Variants in BMPR1A observed in about 807,000 individuals in gnomAD.
The protein encoded by BMPR1A is bone morphogenetic protein receptor type-1A.
A neutral mutation model predicts 66.0 loss-of-function variants in BMPR1A; 7 were observed. The observed-to-expected ratio is 0.11, with a 90% CI of 0.06 to 0.20. The LOEUF (loss-of-function observed/expected upper bound fraction) is 0.20, where lower values mean the gene tolerates loss of function less well. BMPR1A is among the 10% of genes least tolerant of loss of function. The pLI is 1.00. For missense variants in BMPR1A, 408 were observed against 669.1 expected (o/e 0.61, Z 4.31); for synonymous variants, 200 against 229.7 (o/e 0.87, Z 1.17).
At chr10:86,880,755 A>G (rs369752534) in intron 3 of BMPR1A, among the ~76,000 whole-genome samples, 1 of 152,362 alleles carries the variant, frequency 6.6e-6, no homozygotes, top group East Asian at 1.9e-4. Context: ...CAAGTTCGGC[A>G]GGGAAAGAGC....
chr10:86,894,051 C>T (rs1329474420), intron 5 of BMPR1A, among the ~76,000 whole-genome samples: 1 of 152,210 alleles, frequency 6.6e-6, no homozygotes, highest in African/African-American at 2.4e-5. Flanking sequence ...CTTATATGAT[C>T]AGCTTTAGAG....
intron 1 of BMPR1A, among the ~76,000 whole-genome samples, chr10:86,816,375 T>C (rs1350847994): frequency 2.6e-5 from 4 of 152,224 alleles, no homozygotes; most frequent in African/African-American, 9.6e-5. Context: ...TTTAAAATTA[T>C]ACACGTGGTC....
chr10:86,876,331 T>TA (rs1842921489), intron 3 of BMPR1A, among the ~76,000 whole-genome samples: 1 of 152,198 alleles, frequency 6.6e-6, no homozygotes, highest in Non-Finnish European at 1.5e-5. Flanking sequence ...GGCGTAATGA[T>TA]ACACAGCATT....
intron 7 of BMPR1A, among the ~76,000 whole-genome samples, chr10:86,909,466 C>T (rs1348617030): frequency 1.3e-5 from 2 of 151,796 alleles, no homozygotes; most frequent in African/African-American, 4.8e-5. Flanking sequence ...GTGGTGTGTG[C>T]CTGCAGTCCC....
At position 86,927,260 on chromosome 10, in the gene BMPR1A, C is replaced by T. The variant is rs1336738696; in HGVS notation, c.*3541C>T. 1 of 191,356 alleles carries T rather than the reference C, an allele frequency of 5.2e-6. No homozygotes were observed. Among genetic ancestry groups the T allele is most frequent in the Non-Finnish European group, 1.1e-5 (1 of 91,420 alleles). The allele number at this position is 191,356 out of a possible 1,614,324, so 11.9% of individuals were successfully genotyped here. On this transcript the variant is annotated 3_prime_UTR_variant, in exon 13 of 13. Coordinates refer to ENST00000372037, the MANE Select transcript of BMPR1A (RefSeq NM_004329.3). Reference sequence around the variant, plus strand: ...TGATATTGAATAATTTATTCCAGGGCAGCTTTCATAAACATACTTCATAGA... The same window carrying T: ...TGATATTGAATAATTTATTCCAGGGTAGCTTTCATAAACATACTTCATAGA...
rs116599536 is a variant in BMPR1A, at chr10:86,774,800, A to G, written c.-268+17881A>G. ...GATTATATTAGTGTCATTTACACTA[A>G]ATAAATCTAAGGAGGAAAACAATAC... On this transcript the variant is annotated intron_variant, in intron 1 of 12. Coordinates refer to ENST00000372037, the MANE Select transcript of BMPR1A (RefSeq NM_004329.3). Among the ~76,000 whole-genome samples the G allele has an allele frequency of 9.1e-3, 1,387 of 152,366 alleles. 19 individuals carry two copies. Among genetic ancestry groups the G allele is most frequent in the African/African-American group, 0.032 (1,322 of 41,576 alleles).
Position 86,923,519 on chromosome 10 carries a change from C to T in BMPR1A, c.1473+13C>T, listed in dbSNP as rs1453637850. ...GAACAGTGATGAAGTGAGTGGAACT[C>T]AGTCCCCTGAAGAAGTGATTCGTAA... On this transcript the variant is annotated intron_variant, in intron 12 of 12. Coordinates refer to ENST00000372037, the MANE Select transcript of BMPR1A (RefSeq NM_004329.3). 1 of 1,614,222 alleles carries T rather than the reference C, an allele frequency of 6.2e-7. No individual in the cohort carries two copies. Among genetic ancestry groups the T allele is most frequent in the African/African-American group, 1.3e-5 (1 of 75,058 alleles).
chr10:86,883,255 G>A (rs533739583), intron 3 of BMPR1A, among the ~76,000 whole-genome samples: 1 of 152,088 alleles, frequency 6.6e-6, no homozygotes, highest in Non-Finnish European at 1.5e-5. Flanking sequence ...TTGGGAGGCT[G>A]AGGCAGGCAG....
intron 1 of BMPR1A, among the ~76,000 whole-genome samples, chr10:86,815,603 A>G (rs1842026656): frequency 6.6e-6 from 1 of 152,208 alleles, no homozygotes; most frequent in Non-Finnish European, 1.5e-5. Flanking sequence ...GGAGATTTGC[A>G]GGCACTGGTT....
chr10:86,766,313 G>T (rs912662591), intron 1 of BMPR1A, among the ~76,000 whole-genome samples: 9 of 152,080 alleles, frequency 5.9e-5, no homozygotes, highest in African/African-American at 2.2e-4. Context: ...ATTCTTTATA[G>T]TAGTTAAGCA....
chr10:86,777,145 T>A (rs1226385825), intron 1 of BMPR1A, among the ~76,000 whole-genome samples: 1 of 152,190 alleles, frequency 6.6e-6, no homozygotes, highest in East Asian at 1.9e-4. Context: ...GATTGTTCAG[T>A]TGCAAATATT....
intron 3 of BMPR1A, among the ~76,000 whole-genome samples, chr10:86,878,362 A>G (rs1381315601): frequency 2.6e-5 from 4 of 152,236 alleles, no homozygotes; most frequent in Non-Finnish European, 5.9e-5. Context: ...GTCATCTGAT[A>G]TTAACAGCTG....
At chr10:86,839,303 G>A (rs926162064) in intron 2 of BMPR1A, among the ~76,000 whole-genome samples, 6 of 152,168 alleles carry the variant, frequency 3.9e-5, no homozygotes, top group Admixed American at 2.0e-4. Context: ...GCAAAGCAGA[G>A]TTCAGCATGC....
chr10:86,775,217 G>A lies in BMPR1A; in HGVS notation c.-268+18298G>A, dbSNP rs762811985. Among the ~76,000 whole-genome samples the A allele has an allele frequency of 9.2e-5, 14 of 152,202 alleles. 1 individual carries two copies. Among genetic ancestry groups the A allele is most frequent in the Admixed American group, 6.5e-5 (1 of 15,276 alleles). ...TGAGTTCAGTAAGTTGGCTCTACACGTGGTAAACGAGGAAATCCATACATA... is the reference window on the plus strand; with the variant it reads ...TGAGTTCAGTAAGTTGGCTCTACACATGGTAAACGAGGAAATCCATACATA... On this transcript the variant is annotated intron_variant, in intron 1 of 12. Coordinates refer to ENST00000372037, the MANE Select transcript of BMPR1A (RefSeq NM_004329.3).
chr10:86,868,196 G>A (rs1490173820), intron 2 of BMPR1A, among the ~76,000 whole-genome samples: 1 of 152,186 alleles, frequency 6.6e-6, no homozygotes, highest in Non-Finnish European at 1.5e-5. Flanking sequence ...AGCAAGATCT[G>A]ACAGCGTGGA....
At chr10:86,792,063 C>CTT (rs35251758) in intron 1 of BMPR1A, among the ~76,000 whole-genome samples, 106 of 83,606 alleles carry the variant, frequency 1.3e-3, no homozygotes, top group African/African-American at 1.4e-3. Flanking sequence ...ACTGTCAGAT[C>CTT]TTTTTTTTTT....
chr10:86,757,098 G>C (rs1037081343), intron 1 of BMPR1A, among the ~76,000 whole-genome samples, 179 bp downstream of exon 1: 12 of 151,282 alleles, frequency 7.9e-5, no homozygotes, highest in Admixed American at 7.9e-4. Flanking sequence ...CCCAGCCAGA[G>C]ACCCACGGCA....
chr10:86,778,373 A>T (rs1388970539), intron 1 of BMPR1A, among the ~76,000 whole-genome samples: 1 of 152,010 alleles, frequency 6.6e-6, no homozygotes, highest in Non-Finnish European at 1.5e-5. Context: ...CAAACTCCTG[A>T]GCTCAAGCAG....
At chr10:86,785,990 A>C (rs1424228734) in intron 1 of BMPR1A, among the ~76,000 whole-genome samples, 1 of 152,092 alleles carries the variant, frequency 6.6e-6, no homozygotes, top group Non-Finnish European at 1.5e-5. Flanking sequence ...CTTCAACGTC[A>C]CTTTCACCGT....
Sources: allele counts gnomAD v4.1 joint callset (sites outside exome capture counted in the v4.1 genomes callset), GRCh38; gene constraint gnomAD v4.1.1; transcripts MANE v1.5; gene names NCBI Gene and HGNC (gene_info 2026-07-23, HGNC 2026-07-21).